RIPOR2: variants seen among roughly 807,000 people sequenced by gnomAD.
RIPOR2 encodes the protein RHO family interacting cell polarization regulator 2, also known as rho family-interacting cell polarization regulator 2.
A neutral mutation model predicts 114.5 loss-of-function variants in RIPOR2; 39 were observed. That is an observed-to-expected ratio of 0.34 (90% confidence interval 0.26 to 0.44). The LOEUF (loss-of-function observed/expected upper bound fraction) is 0.44, where lower values mean the gene tolerates loss of function less well. Ranked by LOEUF, RIPOR2 falls within the 20% of genes least tolerant of loss-of-function variation. The pLI, the probability that RIPOR2 is intolerant of heterozygous loss-of-function variation, is 1.00. For synonymous variants in RIPOR2, 445 were observed against 484.4 expected, an observed-to-expected ratio of 0.92 and a Z score of 1.07; for missense variants, 1,007 against 1,255.1, an observed-to-expected ratio of 0.80 and a Z score of 2.99.
chr6:24,831,471 T>C (rs1312335152), intron 16 of RIPOR2, among the ~76,000 whole-genome samples: 1 of 152,070 alleles, frequency 6.6e-6, no homozygotes, highest in Non-Finnish European at 1.5e-5. Context: ...GGAACAATGT[T>C]TCACTTGAAT....
At chr6:24,904,246 T>C (rs1328409649) in intron 1 of RIPOR2, among the ~76,000 whole-genome samples, 1 of 152,180 alleles carries the variant, frequency 6.6e-6, no homozygotes, top group East Asian at 1.9e-4. Flanking sequence ...AAAATCAAGG[T>C]GTTGGCAGGG....
At chr6:24,891,431 T>C (rs1394133071) in intron 1 of RIPOR2, among the ~76,000 whole-genome samples, 1 of 152,210 alleles carries the variant, frequency 6.6e-6, no homozygotes, top group East Asian at 1.9e-4. Flanking sequence ...ATTATGTTCC[T>C]CTTTATTGTA....
intron 1 of RIPOR2, among the ~76,000 whole-genome samples, chr6:24,977,956 A>G (rs571011971): frequency 6.6e-6 from 1 of 152,348 alleles, no homozygotes; most frequent in Non-Finnish European, 1.5e-5. Context: ...AAGGGCAGTC[A>G]GGGCCAGGTG....
At chr6:24,829,905 C>T (rs1200245273) in intron 17 of RIPOR2, among the ~76,000 whole-genome samples, 6 of 152,148 alleles carry the variant, frequency 3.9e-5, no homozygotes, top group South Asian at 2.1e-4. Context: ...TTGACACTCT[C>T]GTACTGGTGA....
chr6:24,912,082 C>T (rs896510432), intron 1 of RIPOR2, among the ~76,000 whole-genome samples: 7 of 152,180 alleles, frequency 4.6e-5, no homozygotes, highest in Admixed American at 4.6e-4. Flanking sequence ...CCAGAACCAT[C>T]GCCTGATAAA....
chr6:25,024,543 T>G (rs1474511606), intron 1 of RIPOR2: 1 of 607,498 alleles, frequency 1.6e-6, no homozygotes, highest in Admixed American at 2.2e-5. Flanking sequence ...CAGGGTGCAG[T>G]GAACCACTCG....
chr6:24,984,262 T>G (rs1202050670), intron 1 of RIPOR2, among the ~76,000 whole-genome samples: 1 of 152,212 alleles, frequency 6.6e-6, no homozygotes, highest in Non-Finnish European at 1.5e-5. Context: ...GCAGGCGGGC[T>G]GAGTCCGAAA....
intron 1 of RIPOR2, among the ~76,000 whole-genome samples, chr6:24,927,146 C>CTACAACTACAATCACCACCAT (rs1308464015): frequency 1.0e-5 from 1 of 97,292 alleles, no homozygotes; most frequent in African/African-American, 3.9e-5. Context: ...ACCACCACCA[C>CTACAACTACAATCACCACCAT]CACCACCACC....
intron 1 of RIPOR2, among the ~76,000 whole-genome samples, chr6:25,019,680 C>T (rs1776206360): frequency 7.0e-6 from 1 of 142,292 alleles, no homozygotes; most frequent in Non-Finnish European, 1.5e-5. Context: ...GAGGCTGAGG[C>T]AGGAGAATCA....
intron 1 of RIPOR2, among the ~76,000 whole-genome samples, chr6:24,949,249 AAC>A (rs772566416): frequency 2.6e-5 from 4 of 152,168 alleles, no homozygotes; most frequent in Non-Finnish European, 5.9e-5. Context: ...AGAAGATAGA[AAC>A]ACCATAGTTT....
intron 1 of RIPOR2, among the ~76,000 whole-genome samples, chr6:25,031,770 T>C (rs1177654856): frequency 2.3e-5 from 3 of 129,328 alleles, no homozygotes; most frequent in Non-Finnish European, 4.8e-5. Context: ...ATAGAATATA[T>C]ATATATTCTA....
upstream of RIPOR2, among the ~76,000 whole-genome samples, chr6:24,938,133 G>C (rs939292170): frequency 1.3e-5 from 2 of 152,166 alleles, no homozygotes; most frequent in Non-Finnish European, 2.9e-5. Flanking sequence ...GATATAATTA[G>C]TTAGGATGAA....
chr6:24,840,592 C>T, intron 13 of RIPOR2: 3 of 1,495,126 alleles, frequency 2.0e-6, no homozygotes, highest in Non-Finnish European at 2.7e-6. Flanking sequence ...ACACTCCTTG[C>T]TGATTTCTTA....
intron 1 of RIPOR2, among the ~76,000 whole-genome samples, chr6:24,912,755 A>G (rs1054365225): frequency 6.6e-6 from 1 of 152,190 alleles, no homozygotes; most frequent in Non-Finnish European, 1.5e-5. Context: ...AGAGAAGCCA[A>G]CTGTATTTCC....
At chr6:24,824,280 G>A (rs1329353442) in intron 19 of RIPOR2, among the ~76,000 whole-genome samples, 1 of 152,226 alleles carries the variant, frequency 6.6e-6, no homozygotes, top group Non-Finnish European at 1.5e-5. Flanking sequence ...GATCATAACT[G>A]TGTAGCAAAG....
intron 1 of RIPOR2, among the ~76,000 whole-genome samples, chr6:24,920,455 C>A (rs1770396228): frequency 6.6e-6 from 1 of 152,174 alleles, no homozygotes; most frequent in African/African-American, 2.4e-5. Context: ...AAGAAGCCAG[C>A]CCTTTCCCTC....
intron 1 of RIPOR2, among the ~76,000 whole-genome samples, chr6:25,022,550 T>TTTTTTTTTTTTTTTTTTTTTG: frequency 8.2e-6 from 1 of 122,198 alleles, no homozygotes; most frequent in Non-Finnish European, 1.7e-5. Context: ...TTTTTTTTTT[T>TTTTTTTTTTTTTTTTTTTTTG]TTTTTTTTTT....
At chr6:24,972,486 G>A (rs1773831333) in intron 1 of RIPOR2, among the ~76,000 whole-genome samples, 1 of 152,226 alleles carries the variant, frequency 6.6e-6, no homozygotes. Context: ...TAGAAGAACA[G>A]TTGCAGGCAT....
intron 1 of RIPOR2, among the ~76,000 whole-genome samples, chr6:24,925,617 G>A (rs970281845): frequency 2.0e-5 from 3 of 151,830 alleles, no homozygotes; most frequent in Non-Finnish European, 4.4e-5. Flanking sequence ...CAGGAGAATC[G>A]CTTGAACCCA....
Sources: gnomAD v4.1 joint callset for allele counts (sites outside exome capture counted in the v4.1 genomes callset) on GRCh38, gnomAD v4.1.1 for gene constraint, MANE v1.5 for transcripts, NCBI Gene and HGNC (gene_info 2026-07-23, HGNC 2026-07-21) for gene names.